Variants in COL6A3 observed in about 807,000 individuals in gnomAD.
The protein encoded by COL6A3 is collagen alpha-3(VI) chain.
Under a neutral mutation model 274.1 loss-of-function variants are expected in COL6A3, and 137 were observed. That is an observed-to-expected ratio of 0.50 (90% CI 0.44 to 0.58). COL6A3 has a LOEUF of 0.58. Among genes scored for constraint, COL6A3 ranks in the 20% least tolerant of loss-of-function variants. The pLI is 0.00. For missense variants in COL6A3, 3,950 were observed against 4,124.9 expected (o/e 0.96, Z 1.16); for synonymous variants, 1,650 against 1,650.6 (o/e 1.00, Z 0.01).
chr2:237,363,440 T>G (rs762421282), intron 13 of COL6A3, 42 bp from the exon 14 acceptor site: 9 of 1,612,632 alleles, frequency 5.6e-6, no homozygotes, highest in Non-Finnish European at 7.6e-6. Context: ...CCTAGGCATG[T>G]GGAAAATGCA....
chr2:237,369,096 C>T lies in COL6A3; in HGVS notation c.4367G>A (p.Arg1456Gln), dbSNP rs2077624807. ...GVRPDGFAHIRDFVSRIVRRL... is the reference protein window; with the variant it reads ...GVRPDGFAHIQDFVSRIVRRL... ...TCGAACAATCCTGCTAACAAAATCT[C>T]GAATATGTGCAAAGCCATCTGGCCT... The change falls in exon 10 of 44, where the codon CGA becomes CAA. Residue 1456 changes from arginine to glutamine, a missense_variant. Coordinates refer to ENST00000295550, the MANE Select transcript of COL6A3 (RefSeq NM_004369.4). The T allele has an allele frequency of 1.9e-6, 3 of 1,614,186 alleles. No homozygotes were observed. Among genetic ancestry groups the T allele is most frequent in the Non-Finnish European group, 2.5e-6 (3 of 1,180,052 alleles).
Position 237,387,572 on chromosome 2 carries a change from G to A in COL6A3, c.1312+10C>T, listed in dbSNP as rs761718040. 8.1e-6 allele frequency: 13 copies of A among 1,613,836 alleles called. No individual in the cohort carries two copies. In the East Asian group the frequency reaches 2.7e-4, roughly 33 times the overall value. ...CACTCCCACACAGATGGTGAGAAGA[G>A]GATACATACCTTGTGTGACAATGGT... is the stretch of plus-strand genomic sequence containing the variant. On this transcript the variant is annotated intron_variant, in intron 4 of 43. Coordinates refer to ENST00000295550, the MANE Select transcript of COL6A3 (RefSeq NM_004369.4).
chr2:237,354,694 C>T (rs2077278884), intron 24 of COL6A3, among the ~76,000 whole-genome samples: 1 of 152,140 alleles, frequency 6.6e-6, no homozygotes, highest in African/African-American at 2.4e-5. Flanking sequence ...AAGCTGTGCC[C>T]CGAACACCTT....
At chr2:237,394,196 G>A (rs1363618331) in intron 3 of COL6A3, among the ~76,000 whole-genome samples, 3 of 152,238 alleles carry the variant, frequency 2.0e-5, no homozygotes, top group African/African-American at 4.8e-5. Context: ...CTCAGTTCAC[G>A]CACTCTCCAA....
At chr2:237,326,635 C>T (rs1215228774) in intron 42 of COL6A3, 1 of 152,168 alleles carries the variant, frequency 6.6e-6, no homozygotes, top group African/African-American at 2.4e-5. Flanking sequence ...CCTTCTTTCT[C>T]CAAAACTCCC....
At position 237,388,072 on chromosome 2, in the gene COL6A3, A is replaced by C. The variant is rs770728915; in HGVS notation, c.822T>G (p.Ile274Met). 3 of 1,614,228 alleles carry C rather than the reference A, an allele frequency of 1.9e-6. No individual in the cohort carries two copies. The highest frequency in any genetic ancestry group is 2.5e-6 in the Non-Finnish European group (3 of 1,180,038). Residue 274 changes from isoleucine (I) to methionine (M), a missense_variant, in exon 4 of 44, where the codon ATT (isoleucine) becomes ATG (methionine). Physicochemically the swap from Ile to Met is conservative, Grantham distance 10 (BLOSUM62 1). Coordinates refer to ENST00000295550, the MANE Select transcript of COL6A3 (RefSeq NM_004369.4). ...CCCCCACTCGGATCTGCTGAGTTCC[A>C]ATTGGGAGTTTCTCAAGGAGATTTA... ...FLVNLLEKLP[I>M]GTQQIRVGVV...
Position 237,325,627 on chromosome 2 carries a change from A to G in COL6A3, c.9426T>C (p.Tyr3142=), listed in dbSNP as rs1289312197. Residue 3142 remains tyrosine, a synonymous_variant, in exon 43 of 44, where the codon TAT becomes TAC. Transcript: ENST00000295550. ...PNTKSCARFW[Y]GGCGGNENKF... is the part of the protein sequence containing the mutation. ...TGTTTTCGTTTCCACCACAACCTCCATACCAGAATCTTGCACAGCTTTTGG... is the reference window on the plus strand; with the variant it reads ...TGTTTTCGTTTCCACCACAACCTCCGTACCAGAATCTTGCACAGCTTTTGG... 1.9e-6 allele frequency: 3 copies of G among 1,614,196 alleles called. No individual in the cohort carries two copies. Among genetic ancestry groups the G allele is most frequent in the Admixed American group, 3.3e-5 (2 of 60,032 alleles).
rs79439170 is a variant in COL6A3, at chr2:237,358,139, T to C, written c.6472-257A>G. Among the ~76,000 whole-genome samples the C allele has an allele frequency of 6.1e-3, 936 of 152,292 alleles. 14 individuals are homozygous for C. Among genetic ancestry groups the C allele is most frequent in the African/African-American group, 0.02 (850 of 41,542 alleles). ...GAGGATGCCCCAGGCTCACTCCTGCTTATCCTTGGCCACAGAGGCAGGATG... is the reference window on the plus strand; with the variant it reads ...GAGGATGCCCCAGGCTCACTCCTGCCTATCCTTGGCCACAGAGGCAGGATG... On this transcript the variant is annotated intron_variant, in intron 21 of 43. Coordinates refer to ENST00000295550, the MANE Select transcript of COL6A3 (RefSeq NM_004369.4).
At chr2:237,328,455 T>C (rs929619381) in intron 42 of COL6A3, 3 of 152,320 alleles carry the variant, frequency 2.0e-5, no homozygotes, top group African/African-American at 7.2e-5. Context: ...TGGATGTGCA[T>C]GTGCGATGCA....
intron 2 of COL6A3, 50 bp from the exon 3 acceptor site, chr2:237,395,254 T>C (rs767741848): frequency 1.3e-6 from 2 of 1,598,336 alleles, no homozygotes; most frequent in African/African-American, 2.7e-5. Context: ...AAGCAATTAC[T>C]TCCTATCAAT....
Position 237,381,281 on chromosome 2 carries a change from C to A in COL6A3, c.1531G>T (p.Ala511Ser), listed in dbSNP as rs775165275. Residue 511 changes from alanine to serine, a missense_variant, in exon 5 of 44, where the codon GCT (alanine) becomes TCT (serine). Around this residue, in one of 5 missense-constraint regions of COL6A3, gnomAD observed 1,934 missense variants for 1,984.3 expected, o/e 0.97. Coordinates refer to ENST00000295550, the MANE Select transcript of COL6A3 (RefSeq NM_004369.4). ...TCCAGGGGCTTCATTTTCCGCACAG[C>A]GGTTATGACTTCCCTTTTTGTTGGA... ...THPTKREVITAVRKMKPLDGS... is the reference protein window; with the variant it reads ...THPTKREVITSVRKMKPLDGS... 1.6e-5 allele frequency: 26 copies of A among 1,614,122 alleles called. No homozygotes were observed. Among genetic ancestry groups the A allele is most frequent in the Non-Finnish European group, 2.2e-5 (26 of 1,180,058 alleles).
Position 237,374,372 on chromosome 2 carries a change from C to G in COL6A3, c.3679+40G>C. On this transcript the variant is annotated intron_variant, in intron 8 of 43. Transcript: ENST00000295550. The surrounding 1 kb of genome is among the most constrained non-coding windows in gnomAD (Gnocchi z 4.8). ...CACAGTCCAGACAAGTAGCCCCAGA[C>G]AATGACACTGAGTGAGGATGCAAAG... 1 of 1,606,016 alleles carries G rather than the reference C, an allele frequency of 6.2e-7. No homozygotes were observed. Among genetic ancestry groups the G allele is most frequent in the South Asian group, 1.1e-5 (1 of 90,640 alleles).
At chr2:237,363,207 G>A in intron 14 of COL6A3, 46 bp downstream of exon 14, 1 of 1,599,066 alleles carries the variant, frequency 6.3e-7, no homozygotes, top group Non-Finnish European at 8.6e-7. Flanking sequence ...GCCAAAAGGT[G>A]TGGTATCTAC....
intron 1 of COL6A3, among the ~76,000 whole-genome samples, chr2:237,402,928 A>G (rs1318292002): frequency 6.6e-6 from 1 of 152,206 alleles, no homozygotes; most frequent in East Asian, 1.9e-4. Flanking sequence ...ACAGCTAATG[A>G]AATCAGGGAT....
At chr2:237,333,417 G>T in intron 42 of COL6A3, 33 bp downstream of exon 42, 1 of 1,575,504 alleles carries the variant, frequency 6.3e-7, no homozygotes, top group Non-Finnish European at 8.7e-7. Flanking sequence ...TTTTCTTAGT[G>T]CCATTAATGG....
Position 237,376,945 on chromosome 2 carries a change from C to A in COL6A3, c.2897G>T (p.Ser966Ile), listed in dbSNP as rs1266551136. 9.9e-6 allele frequency: 16 copies of A among 1,614,116 alleles called. No homozygotes were observed. The highest frequency in any genetic ancestry group is 1.4e-5 in the Non-Finnish European group (16 of 1,180,050). Residue 966 changes from serine (S) to isoleucine (I), a missense_variant, in exon 7 of 44, where the codon AGT (serine) becomes ATT (isoleucine). Ser to Ile is a moderately radical substitution (Grantham distance 142). This residue lies in a region of COL6A3 where 1,934 missense variants were observed against 1,984.3 expected (regional missense o/e 0.97). Transcript: ENST00000295550. ...TTGGAAGATGAAAGGCACAACCCCA[C>A]TCTGCTTCAGGTTACTTGCTGGCCC... ...VDGPASNLKQ[S>I]GVVPFIFQAK...
At chr2:237,337,705 C>T (rs766730472) in intron 39 of COL6A3, among the ~76,000 whole-genome samples, 2 of 152,206 alleles carry the variant, frequency 1.3e-5, no homozygotes, top group Admixed American at 6.5e-5. Flanking sequence ...ATTGCTGACA[C>T]GCTGCAGGGG....
intron 16 of COL6A3, 134 bp from the exon 17 acceptor site, chr2:237,360,293 C>T (rs986310603): frequency 1.1e-5 from 10 of 893,186 alleles, no homozygotes; most frequent in African/African-American, 3.3e-5. Context: ...GAACGCCGAT[C>T]GAGGCTACGT....
At chr2:237,408,195 T>C (rs1055913801) in intron 1 of COL6A3, among the ~76,000 whole-genome samples, 1 of 152,204 alleles carries the variant, frequency 6.6e-6, no homozygotes, top group Admixed American at 6.5e-5. Context: ...TCTGATAAAA[T>C]ATCATCCATG....
Sources: allele counts gnomAD v4.1 joint callset (sites outside exome capture counted in the v4.1 genomes callset), GRCh38; gene constraint gnomAD v4.1.1; regional missense constraint gnomAD v4.1.1; non-coding constraint Gnocchi (gnomAD v3.1); transcripts MANE v1.5; gene names NCBI Gene and HGNC (gene_info 2026-07-23, HGNC 2026-07-21).